The following CASP5 variants were observed in gnomAD, a reference collection of about 807,000 sequenced individuals.
CASP5 encodes the protein caspase 5, also known as caspase-5.
In CASP5, 42 loss-of-function variants were observed where a neutral mutation model predicts 45.2. That is an observed-to-expected ratio of 0.93 (90% CI 0.73 to 1.20). The LOEUF (loss-of-function observed/expected upper bound fraction) is 1.20. CASP5 is among the 50% of genes most tolerant of loss of function. The pLI is 0.00. For synonymous variants in CASP5, 209 were observed against 186.2 expected (o/e 1.12, Z -1.00); for missense variants, 512 against 532.2 (o/e 0.96, Z 0.37).
chr11:105,008,291 G>A lies in CASP5; in HGVS notation c.181+516C>T, dbSNP rs981249419. ...AATGAAACACTGGAGCAGAATTGTT[G>A]AAAATACATCTAGAGCTAAATGAGT... On this transcript the variant is annotated intron_variant, in intron 2 of 9. Coordinates refer to ENST00000260315, the MANE Select transcript of CASP5 (RefSeq NM_004347.5). Among the ~76,000 whole-genome samples, 3 of 152,060 alleles carry A rather than the reference G, an allele frequency of 2.0e-5. No homozygotes were observed. In the South Asian group the frequency reaches 6.2e-4, roughly 32 times the overall value.
Position 105,008,828 on chromosome 11 carries a change from G to T in CASP5, c.160C>A (p.Gln54Lys). The change falls in exon 2 of 10, where the codon CAA becomes AAA. Residue 54 changes from glutamine (Q) to lysine (K), a missense_variant. Physicochemically the swap from Gln to Lys is moderately conservative, Grantham distance 53. Transcript: ENST00000260315. ...TTACTTTTTACACTGGTCGACTTTT[G>T]ATCCGTATTAGGTACTAGGGTCTGG... ...SIQTLVPNTD[Q>K]KSTSVKKDNH... 1 of 1,608,480 alleles carries T rather than the reference G, an allele frequency of 6.2e-7. No homozygotes were observed.
intron 1 of CASP5, among the ~76,000 whole-genome samples, chr11:105,014,864 A>G (rs1862511675): frequency 6.6e-6 from 1 of 152,228 alleles, no homozygotes; most frequent in Non-Finnish European, 1.5e-5. Context: ...AAAAAAAAGC[A>G]TGAGCACACT....
chr11:105,009,854 C>CAT (rs1354596386), intron 1 of CASP5, among the ~76,000 whole-genome samples: 3 of 132,206 alleles, frequency 2.3e-5, no homozygotes, highest in Admixed American at 1.6e-4. Flanking sequence ...TATATATACA[C>CAT]ATATATATAC....
chr11:104,994,281 A>C lies in CASP5; in HGVS notation c.*71T>G, dbSNP rs1861359146. ...TTTATTGAAATACCAAATATTGACT[A>C]TGCAAGCTATACTGGTAAATGTGCT... On this transcript the variant is annotated 3_prime_UTR_variant, in exon 10 of 10. Coordinates refer to ENST00000260315, the MANE Select transcript of CASP5 (RefSeq NM_004347.5). The C allele has an allele frequency of 3.9e-5, 6 of 152,220 alleles. No homozygotes were observed. Among genetic ancestry groups the C allele is most frequent in the Admixed American group, 3.9e-4 (6 of 15,270 alleles). 9.4% of individuals were successfully genotyped at this position (152,220 alleles called of 1,614,324 possible).
At chr11:104,998,803 A>G in intron 7 of CASP5, 82 bp downstream of exon 7, 3 of 1,343,428 alleles carry the variant, frequency 2.2e-6, no homozygotes, top group Non-Finnish European at 3.1e-6. Flanking sequence ...ATTGTTGCAT[A>G]GGGCCTATCT....
At chr11:105,016,686 A>G (rs1208749052) in intron 1 of CASP5, among the ~76,000 whole-genome samples, 1 of 152,172 alleles carries the variant, frequency 6.6e-6, no homozygotes, top group Non-Finnish European at 1.5e-5. Context: ...TTGCTAGCAC[A>G]GCAGTCTGAG....
rs5794366 is a variant in CASP5 at position 105,005,356 on chromosome 11, A to ATGTGTG, written c.433+1721_433+1726dup. Reference sequence around the variant, plus strand: ...ATCGGTATATAGTGTGTATATATATATGTGTGTGTGTGTGTGTGTGTGTGT... The same window carrying ATGTGTG: ...ATCGGTATATAGTGTGTATATATATATGTGTGTGTGTGTGTGTGTGTGTGTGTGTGT... On this transcript the variant is annotated intron_variant, in intron 3 of 9. Transcript: ENST00000260315. Among the ~76,000 whole-genome samples, 1,346 of 139,306 alleles carry ATGTGTG rather than the reference A, an allele frequency of 9.7e-3. 12 individuals carry two copies. Among genetic ancestry groups the ATGTGTG allele is most frequent in the African/African-American group, 0.027 (932 of 34,332 alleles). 91.4% of individuals were successfully genotyped at this position (139,306 alleles called of 152,430 possible).
At chr11:105,004,422 G>A (rs1199923919) in intron 3 of CASP5, among the ~76,000 whole-genome samples, 1 of 152,052 alleles carries the variant, frequency 6.6e-6, no homozygotes, top group African/African-American at 2.4e-5. Flanking sequence ...AAAACTGGGA[G>A]ATTATTGAGC....
chr11:105,021,447 T>A (rs1357732273), intron 1 of CASP5, among the ~76,000 whole-genome samples: 1 of 149,260 alleles, frequency 6.7e-6, no homozygotes, highest in African/African-American at 2.4e-5. Flanking sequence ...TACAATGAAC[T>A]CAAACAAATT....
chr11:104,999,204 T>G (rs1473263605), intron 6 of CASP5, among the ~76,000 whole-genome samples, 176 bp from the exon 7 acceptor site: 2 of 152,146 alleles, frequency 1.3e-5, no homozygotes, highest in Non-Finnish European at 2.9e-5. Flanking sequence ...TCCTTCCCCT[T>G]GTCGCCCACC....
chr11:105,017,350 A>G (rs1862677007), intron 1 of CASP5, among the ~76,000 whole-genome samples: 2 of 152,216 alleles, frequency 1.3e-5, no homozygotes, highest in South Asian at 4.1e-4. Context: ...CAGATGATCA[A>G]ATTACTCCGA....
At chr11:105,020,688 C>T (rs1439137653) in intron 1 of CASP5, among the ~76,000 whole-genome samples, 1 of 152,056 alleles carries the variant, frequency 6.6e-6, no homozygotes, top group South Asian at 2.1e-4. Context: ...ACATTCCATG[C>T]TCATGGGTAG....
In CASP5 at chr11:104,998,980, A is replaced by C. The variant is rs1422646990; in HGVS notation, c.1001T>G (p.Leu334Arg). Residue 334 changes from leucine to arginine, a missense_variant, in exon 7 of 10, where the codon CTC becomes CGC. Transcript: ENST00000260315. ...WVRDSPASLA[L>R]ISSQSSENLE... ...GTTCTCAGATGACTGTGAAGAGATGAGTGCCAAGGATGCTGGAGAGTCTCT... is the reference window on the plus strand; with the variant it reads ...GTTCTCAGATGACTGTGAAGAGATGCGTGCCAAGGATGCTGGAGAGTCTCT... 2 of 1,613,868 alleles carry C rather than the reference A, an allele frequency of 1.2e-6. No individual in the cohort carries two copies. The highest frequency in any genetic ancestry group is 1.7e-6 in the Non-Finnish European group (2 of 1,179,792).
chr11:105,018,987 C>G (rs1389063547), intron 1 of CASP5, among the ~76,000 whole-genome samples: 1 of 149,610 alleles, frequency 6.7e-6, no homozygotes, highest in East Asian at 1.9e-4. Context: ...AACGAGAACT[C>G]AGGATTAAGA....
intron 1 of CASP5, among the ~76,000 whole-genome samples, chr11:105,012,926 T>C (rs1862422837): frequency 6.6e-6 from 1 of 152,118 alleles, no homozygotes; most frequent in South Asian, 2.1e-4. Flanking sequence ...AAATATTTAG[T>C]ATATATTTTA....
At position 104,998,884 on chromosome 11, in the gene CASP5, C is replaced by T. The variant is rs141481245; in HGVS notation, c.1096+1G>A. 5.5e-4 allele frequency: 880 copies of T among 1,611,472 alleles called. 1 individual carries two copies. Among genetic ancestry groups the T allele is most frequent in the Non-Finnish European group, 6.8e-4 (799 of 1,179,030 alleles). ...TTTGACTGTTACTAAAAGACACATA[C>T]GTGGTGTTGAAGAACAGAAAGCAAT... On this transcript the variant is annotated splice_donor_variant, in intron 7 of 9. Coordinates refer to ENST00000260315, the MANE Select transcript of CASP5 (RefSeq NM_004347.5). LOFTEE classifies it high-confidence loss of function.
At chr11:105,009,838 TAC>T (rs1330969607) in intron 1 of CASP5, among the ~76,000 whole-genome samples, 3 of 107,952 alleles carry the variant, frequency 2.8e-5, no homozygotes, top group Non-Finnish European at 5.9e-5. Flanking sequence ...CATATATATA[TAC>T]ACATATATAT....
At position 105,000,288 on chromosome 11, in the gene CASP5, C is replaced by A. The variant is rs576513280; in HGVS notation, c.925G>T (p.Val309Phe). 6.2e-7 allele frequency: 1 copy of A among 1,614,230 alleles called. No individual in the cohort carries two copies. The highest frequency in any genetic ancestry group is 1.1e-5 in the South Asian group (1 of 91,090). The change falls in exon 6 of 10, where the codon GTC becomes TTC. Residue 309 changes from valine to phenylalanine, a missense_variant. By Grantham distance (50) the Val-to-Phe change is conservative. Coordinates refer to ENST00000260315, the MANE Select transcript of CASP5 (RefSeq NM_004347.5). ...CCTCTGCAGGCCTGGACAATGATGA[C>A]CTTGGGTTTGTCCTTTAGACTGAGG... ...NCLSLKDKPK[V>F]IIVQACRGEK...
rs1283437541 is a variant in CASP5 at position 104,999,009 on chromosome 11, C to T, written c.972G>A (p.Trp324Ter). The T allele has an allele frequency of 6.2e-7, 1 of 1,601,826 alleles. No homozygotes were observed. Among genetic ancestry groups the T allele is most frequent in the South Asian group, 1.1e-5 (1 of 88,098 alleles). ...CCAAGGATGCTGGAGAGTCTCTGAC[C>T]CAGAGTTCCCCATGTTTTTCTGTAG... ...ACRGEKHGEL[W>*]VRDSPASLAL... The change falls in exon 7 of 10, where the codon TGG becomes TGA. Residue 324 changes from tryptophan (W) to a stop codon, truncating the protein, a stop_gained. Coordinates refer to ENST00000260315, the MANE Select transcript of CASP5 (RefSeq NM_004347.5). LOFTEE classifies it high-confidence loss of function.
Sources: gnomAD v4.1 joint callset for allele counts (sites outside exome capture counted in the v4.1 genomes callset) on GRCh38, gnomAD v4.1.1 for gene constraint, MANE v1.5 for transcripts, NCBI Gene and HGNC (gene_info 2026-07-23, HGNC 2026-07-21) for gene names.